Variants in FAM83F observed in about 807,000 individuals in gnomAD.
The protein encoded by FAM83F is scaffolding CK1 anchoring protein F.
FAM83F carries 45 observed loss-of-function variants against 42.9 expected under a neutral mutation model. That is an observed-to-expected ratio of 1.05 (90% CI 0.83 to 1.35). The LOEUF (loss-of-function observed/expected upper bound fraction) is 1.35, where lower values mean the gene tolerates loss of function less well. Ranked by LOEUF, FAM83F falls within the 40% of genes most tolerant of loss-of-function variation. The pLI is 0.00. For missense variants in FAM83F, 617 were observed against 695.9 expected (o/e 0.89, Z 1.28); for synonymous variants, 306 against 298.3 (o/e 1.03, Z -0.27).
rs963928581 is a variant in FAM83F at position 39,996,056 on chromosome 22, C to A, written c.489+525C>A. On this transcript the variant is annotated intron_variant, in intron 1 of 4. Transcript: ENST00000333407. ...GAGCTGGCGCCCTCACAGTCACAGCCTCTCCTGGGCCGGGTACTAGGCCCC... is the reference window on the plus strand; with the variant it reads ...GAGCTGGCGCCCTCACAGTCACAGCATCTCCTGGGCCGGGTACTAGGCCCC... Among the ~76,000 whole-genome samples the A allele has an allele frequency of 1.3e-5, 2 of 152,152 alleles. 1 individual carries two copies. The highest frequency in any genetic ancestry group is 4.1e-4 in the South Asian group (2 of 4,830).
At position 40,038,773 on chromosome 22, in the gene FAM83F, G is replaced by T; in HGVS notation, c.*9208G>T. The T allele has an allele frequency of 6.5e-6, 1 of 154,030 alleles. No homozygotes were observed. 9.5% of individuals were successfully genotyped at this position (154,030 alleles called of 1,614,324 possible). ...AAACCACATGGACAAACTCTCTGCC[G>T]GAGAATGGGCATGGCCGGGCTGAGG... On this transcript the variant is annotated 3_prime_UTR_variant, in exon 5 of 5. Transcript: ENST00000333407.
chr22:40,022,913 TG>T (rs2067530457), intron 4 of FAM83F, among the ~76,000 whole-genome samples: 2 of 152,146 alleles, frequency 1.3e-5, no homozygotes. Flanking sequence ...ATTGTGATGG[TG>T]TGAGAGCAGG....
chr22:40,011,717 A>G (rs958040100), intron 1 of FAM83F, among the ~76,000 whole-genome samples: 2 of 152,228 alleles, frequency 1.3e-5, no homozygotes, highest in African/African-American at 4.8e-5. Context: ...TGTCTGCTGT[A>G]AAACATTCTA....
At position 40,038,327 on chromosome 22, in the gene FAM83F, G is replaced by C. The variant is rs2067636573; in HGVS notation, c.*8762G>C. 2 of 152,300 alleles carry C rather than the reference G, an allele frequency of 1.3e-5. 1 individual carries two copies. The highest frequency in any genetic ancestry group is 4.1e-4 in the South Asian group (2 of 4,834). The allele number at this position is 152,300 out of a possible 1,614,324, so 9.4% of individuals were successfully genotyped here. On this transcript the variant is annotated 3_prime_UTR_variant, in exon 5 of 5. Coordinates refer to ENST00000333407, the MANE Select transcript of FAM83F (RefSeq NM_138435.4). ...GGGGACAATGAGGCAAGGCATTCCAGGGAAAGGTCCAGAGCCTAGACAGAA... is the reference window on the plus strand; with the variant it reads ...GGGGACAATGAGGCAAGGCATTCCACGGAAAGGTCCAGAGCCTAGACAGAA...
chr22:40,019,993 C>T lies in FAM83F; in HGVS notation c.764C>T (p.Ala255Val), dbSNP rs1307629508. The T allele has an allele frequency of 8.7e-6, 14 of 1,613,092 alleles. No individual in the cohort carries two copies. Among genetic ancestry groups the T allele is most frequent in the Admixed American group, 1.7e-5 (1 of 59,896 alleles). ...CTGATGGTGGACGGTGACAAAGTGG[C>T]CACTGGATCTTACAGGTGAGTTGGG... ...RFLMVDGDKV[A>V]TGSYRFTWSS... The change falls in exon 3 of 5, where the codon GCC becomes GTC. Residue 255 changes from alanine (A) to valine (V), a missense_variant. Physicochemically the swap from Ala to Val is moderately conservative, Grantham distance 64. Coordinates refer to ENST00000333407, the MANE Select transcript of FAM83F (RefSeq NM_138435.4).
intron 1 of FAM83F, among the ~76,000 whole-genome samples, chr22:40,003,507 C>G (rs1360252022): frequency 1.3e-5 from 2 of 151,816 alleles, no homozygotes; most frequent in Non-Finnish European, 2.9e-5. Flanking sequence ...AACAAATGAG[C>G]CCAGGGCTGC....
rs558172911 is a variant in FAM83F, at chr22:40,043,097, T to C, written c.*13532T>C. The C allele has an allele frequency of 6.6e-6, 1 of 152,344 alleles. No individual in the cohort carries two copies. The highest frequency in any genetic ancestry group is 2.1e-4 in the South Asian group (1 of 4,828). 9.4% of individuals were successfully genotyped at this position (152,344 alleles called of 1,614,324 possible). A position where few individuals can be genotyped will look rare whatever the true frequency, so the allele number is the denominator to read the frequency against. On this transcript the variant is annotated 3_prime_UTR_variant, in exon 5 of 5. Transcript: ENST00000333407. The stretch of plus-strand genomic sequence containing the variant: ...CGTTTATGAAATACCTTGGCTTCAT[T>C]TGCTGAAAGGCTCTAAGTGTTGAGC...
chr22:40,021,611 G>C lies in FAM83F; in HGVS notation c.1101G>C (p.Ser367=), dbSNP rs373307669. 1 of 1,584,480 alleles carries C rather than the reference G, an allele frequency of 6.3e-7. No individual in the cohort carries two copies. The highest frequency in any genetic ancestry group is 8.6e-7 in the Non-Finnish European group (1 of 1,160,174). Residue 367 remains serine, a synonymous_variant, in exon 4 of 5, where the codon TCG becomes TCC. Coordinates refer to ENST00000333407, the MANE Select transcript of FAM83F (RefSeq NM_138435.4). The surrounding 1 kb of genome is among the most constrained non-coding windows in gnomAD (Gnocchi z 8.7). The stretch of plus-strand genomic sequence containing the variant: ...AGGAGGGCGCCAGCGGTGGCGAGTC[G>C]GCCTGGCGCCTGGAGAGCTTCCTGA... ...GQEEGASGGE[S]AWRLESFLKD... is the part of the protein sequence containing the mutation.
intron 1 of FAM83F, among the ~76,000 whole-genome samples, chr22:40,015,342 T>A (rs1236583325): frequency 4.6e-5 from 7 of 152,188 alleles, no homozygotes; most frequent in Non-Finnish European, 1.0e-4. Context: ...TAATCTGCTT[T>A]TCTCGAAGTC....
At position 39,995,960 on chromosome 22, in the gene FAM83F, C is replaced by T. The variant is rs1418128904; in HGVS notation, c.489+429C>T. 2.0e-5 allele frequency among the ~76,000 whole-genome samples: 3 copies of T among 152,194 alleles called. No homozygotes were observed. The highest frequency in any genetic ancestry group is 6.5e-5 in the Admixed American group (1 of 15,276). ...CAAAACAACTTCAGGGAGTGGGTGG[C>T]GGTGACCTTCCCGGTCCCACCTCTG... On this transcript the variant is annotated intron_variant, in intron 1 of 4. Transcript: ENST00000333407. This position sits in a 1 kb window ranked among gnomAD's most constrained non-coding sequence, Gnocchi z 4.6.
At position 40,040,368 on chromosome 22, in the gene FAM83F, G is replaced by T. The variant is rs1157630040; in HGVS notation, c.*10803G>T. On this transcript the variant is annotated 3_prime_UTR_variant, in exon 5 of 5. Transcript: ENST00000333407. ...CTAGAAAATGTGGATAACAATGGTT[G>T]TTGTGAAGATTAACAGCCATAATCC... The T allele has an allele frequency of 1.3e-5, 2 of 152,166 alleles. No individual in the cohort carries two copies. The highest frequency in any genetic ancestry group is 6.6e-5 in the Admixed American group (1 of 15,266). The allele number at this position is 152,166 out of a possible 1,614,324, so 9.4% of individuals were successfully genotyped here. A position where few individuals can be genotyped will look rare whatever the true frequency, so the allele number is the denominator to read the frequency against.
In FAM83F at chr22:40,040,182, G is replaced by A. The variant is rs374026658; in HGVS notation, c.*10617G>A. 5.9e-5 allele frequency: 9 copies of A among 152,230 alleles called. No homozygotes were observed. The highest frequency in any genetic ancestry group is 2.2e-4 in the African/African-American group (9 of 41,446). The allele number at this position is 152,230 out of a possible 1,614,324, so 9.4% of individuals were successfully genotyped here. A position where few individuals can be genotyped will look rare whatever the true frequency, so the allele number is the denominator to read the frequency against. On this transcript the variant is annotated 3_prime_UTR_variant, in exon 5 of 5. Transcript: ENST00000333407. Reference sequence around the variant, plus strand: ...GATACTAAAGACTACGAGGACAACTGTTCATTGAGGGCTGGTCATCTCCCC... The same window carrying A: ...GATACTAAAGACTACGAGGACAACTATTCATTGAGGGCTGGTCATCTCCCC...
At chr22:40,027,913 G>A (rs1409149154) in intron 4 of FAM83F, among the ~76,000 whole-genome samples, 1 of 152,014 alleles carries the variant, frequency 6.6e-6, no homozygotes, top group Admixed American at 6.5e-5. Context: ...CGATCTGGAG[G>A]TTGATTTGCT....
At chr22:40,029,232 G>A (rs905544421) in intron 4 of FAM83F, among the ~76,000 whole-genome samples, 2 of 152,102 alleles carry the variant, frequency 1.3e-5, no homozygotes, top group Non-Finnish European at 2.9e-5. Flanking sequence ...CATTGATTCT[G>A]CAGCCTGGAT....
In FAM83F at chr22:40,023,298, G is replaced by A. The variant is rs985408923; in HGVS notation, c.1453+1335G>A. On this transcript the variant is annotated intron_variant, in intron 4 of 4. Transcript: ENST00000333407. The surrounding 1 kb of genome is among the most constrained non-coding windows in gnomAD (Gnocchi z 4.1). ...AGCCATGTTCTGTCAGGGGAGGGGT[G>A]GCTGGCCCCATCCCCATTCCTCCTG... 1.3e-5 allele frequency among the ~76,000 whole-genome samples: 2 copies of A among 152,154 alleles called. No individual in the cohort carries two copies. Among genetic ancestry groups the A allele is most frequent in the African/African-American group, 4.8e-5 (2 of 41,434 alleles).
chr22:40,006,813 T>G (rs1108047), intron 1 of FAM83F, among the ~76,000 whole-genome samples: 39,757 of 151,954 alleles, frequency 0.26, 5,423 homozygotes, highest in South Asian at 0.42. Flanking sequence ...TGGGTTGTGT[T>G]ACGGGGTCCG....
intron 1 of FAM83F, among the ~76,000 whole-genome samples, chr22:40,013,103 A>AAAAAAAC: frequency 6.6e-6 from 1 of 151,184 alleles, no homozygotes; most frequent in Non-Finnish European, 1.5e-5. Context: ...AAAAAAAAAA[A>AAAAAAAC]AAAAGACTGC....
At position 40,021,686 on chromosome 22, in the gene FAM83F, C is replaced by G. The variant is rs746472470; in HGVS notation, c.1176C>G (p.Pro392=). Residue 392 remains proline, a synonymous_variant, in exon 4 of 5, where the codon CCC becomes CCG. Transcript: ENST00000333407. This position sits in a 1 kb window ranked among gnomAD's most constrained non-coding sequence, Gnocchi z 8.7. The stretch of plus-strand genomic sequence containing the variant: ...TGCTGCCCCCCGTGGAGCCCATCCC[C>G]TTGGGAGAGCTGAGCCAGAAGGATG... ...EQVLPPVEPI[P]LGELSQKDGR... is the part of the protein sequence containing the mutation. The G allele has an allele frequency of 3.1e-6, 5 of 1,613,058 alleles. No homozygotes were observed. The highest frequency in any genetic ancestry group is 4.2e-6 in the Non-Finnish European group (5 of 1,179,742).
In FAM83F at chr22:40,041,487, T is replaced by A. The variant is rs940766722; in HGVS notation, c.*11922T>A. On this transcript the variant is annotated 3_prime_UTR_variant, in exon 5 of 5. Transcript: ENST00000333407. ...CCTCACCCCAATCATTGGCTTAACATTCACACCAGGCTGAGTAAGCCCCAA... is the reference window on the plus strand; with the variant it reads ...CCTCACCCCAATCATTGGCTTAACAATCACACCAGGCTGAGTAAGCCCCAA... The A allele has an allele frequency of 3.9e-5, 6 of 152,166 alleles. No individual in the cohort carries two copies. The highest frequency in any genetic ancestry group is 6.5e-5 in the Admixed American group (1 of 15,276). 9.4% of individuals were successfully genotyped at this position (152,166 alleles called of 1,614,324 possible).
Sources: allele counts gnomAD v4.1 joint callset (sites outside exome capture counted in the v4.1 genomes callset), GRCh38; gene constraint gnomAD v4.1.1; non-coding constraint Gnocchi (gnomAD v3.1); transcripts MANE v1.5; gene names NCBI Gene and HGNC (gene_info 2026-07-23, HGNC 2026-07-21).